The following PLXDC2 variants were observed in gnomAD, a reference collection of about 807,000 sequenced individuals.
PLXDC2 encodes the protein plexin domain containing 2.
Under a neutral mutation model 68.9 loss-of-function variants are expected in PLXDC2, and 40 were observed. The ratio of observed to expected loss-of-function variants is 0.58; its 90% CI spans 0.45 to 0.76. The LOEUF is 0.76. Ranked by LOEUF, PLXDC2 falls within the 30% of genes least tolerant of loss-of-function variation. The probability of loss-of-function intolerance (pLI) is 0.00; values close to 1 mark genes in which losing one functional copy is unlikely to be tolerated. For missense variants in PLXDC2, 644 were observed against 661.9 expected (o/e 0.97, Z 0.30); for synonymous variants, 243 against 234.2 (o/e 1.04, Z -0.34).
chr10:19,990,124 A>G (rs1428625747), intron 1 of PLXDC2, among the ~76,000 whole-genome samples: 1 of 152,010 alleles, frequency 6.6e-6, no homozygotes, highest in Non-Finnish European at 1.5e-5. Flanking sequence ...GAAATTCATC[A>G]CTTAATGACT....
At chr10:19,904,773 C>G (rs1169188022) in intron 1 of PLXDC2, among the ~76,000 whole-genome samples, 3 of 152,182 alleles carry the variant, frequency 2.0e-5, no homozygotes, top group African/African-American at 7.2e-5. Context: ...GCCTTCTATC[C>G]TCCATCTTCC....
chr10:20,138,681 G>A (rs1426027763), intron 4 of PLXDC2, among the ~76,000 whole-genome samples: 1 of 152,232 alleles, frequency 6.6e-6, no homozygotes, highest in East Asian at 1.9e-4. Context: ...GGGAGGCCAA[G>A]GCGGGTGGAT....
intron 12 of PLXDC2, among the ~76,000 whole-genome samples, chr10:20,224,061 A>T (rs1392065376): frequency 2.7e-5 from 4 of 146,810 alleles, no homozygotes; most frequent in Non-Finnish European, 6.0e-5. Context: ...TGCAACCTCC[A>T]CCTTTTGGTT....
intron 7 of PLXDC2, among the ~76,000 whole-genome samples, chr10:20,172,909 T>C (rs1453039886): frequency 6.6e-6 from 1 of 152,226 alleles, no homozygotes; most frequent in African/African-American, 2.4e-5. Flanking sequence ...ATTGAATGCC[T>C]AATGACATTA....
intron 6 of PLXDC2, among the ~76,000 whole-genome samples, chr10:20,162,684 G>A (rs894180018): frequency 2.0e-5 from 3 of 151,950 alleles, no homozygotes; most frequent in African/African-American, 7.3e-5. Context: ...ACTCAGCATG[G>A]GGTATAAGAC....
At chr10:20,072,493 G>GAGAAAGGAAGAAAGAAAGAA (rs1836343582) in intron 4 of PLXDC2, among the ~76,000 whole-genome samples, 1 of 80,704 alleles carries the variant, frequency 1.2e-5, no homozygotes, top group Admixed American at 1.5e-4. Flanking sequence ...AAGAAAGAAA[G>GAGAAAGGAAGAAAGAAAGAA]AGAAAGAAAG....
Position 20,217,505 on chromosome 10 carries a change from C to CCCAGTTCAG in PLXDC2, c.1203_1211dup (p.Phe403_Arg404insSerGlnPhe). 1 of 1,612,898 alleles carries CCCAGTTCAG rather than the reference C, an allele frequency of 6.2e-7. No individual in the cohort carries two copies. The highest frequency in any genetic ancestry group is 8.5e-7 in the Non-Finnish European group (1 of 1,179,344). ...ACCACAACCGTAGGAGCGACAACCA[C>CCCAGTTCAG]CCAGTTCAGGGTCCTAACTACCACC... is the stretch of plus-strand genomic sequence containing the variant. On this transcript the variant is annotated inframe_insertion, in exon 11 of 14. Transcript: ENST00000377252.
At chr10:19,834,901 A>G (rs1021979132) in intron 1 of PLXDC2, among the ~76,000 whole-genome samples, 3 of 152,134 alleles carry the variant, frequency 2.0e-5, no homozygotes, top group Non-Finnish European at 2.9e-5. Context: ...TGAGAGAGAG[A>G]GTGGGTGCAT....
At chr10:19,823,044 T>A (rs1589484664) in intron 1 of PLXDC2, among the ~76,000 whole-genome samples, 1 of 151,992 alleles carries the variant, frequency 6.6e-6, no homozygotes, top group African/African-American at 2.4e-5. Context: ...GCTTCCCAAG[T>A]AGCTGGGACT....
chr10:19,935,024 G>A (rs1833699462), intron 1 of PLXDC2, among the ~76,000 whole-genome samples: 1 of 152,200 alleles, frequency 6.6e-6, no homozygotes, highest in African/African-American at 2.4e-5. Context: ...CCAGAAAAAG[G>A]ACATATGCTC....
intron 10 of PLXDC2, among the ~76,000 whole-genome samples, chr10:20,216,821 G>C (rs1243159158): frequency 6.8e-6 from 1 of 146,992 alleles, no homozygotes; most frequent in African/African-American, 2.6e-5. Context: ...TTTCAATATA[G>C]CTCTGCTAAG....
intron 4 of PLXDC2, among the ~76,000 whole-genome samples, chr10:20,075,415 C>T (rs1189975949): frequency 6.6e-6 from 1 of 152,134 alleles, no homozygotes; most frequent in Non-Finnish European, 1.5e-5. Flanking sequence ...ATCTCAAACT[C>T]CTAGCCTCTA....
intron 1 of PLXDC2, among the ~76,000 whole-genome samples, chr10:19,924,901 C>T (rs1393383678): frequency 6.6e-6 from 1 of 152,140 alleles, no homozygotes; most frequent in Non-Finnish European, 1.5e-5. Context: ...TTTCCTGGTG[C>T]CCATTTTATT....
At chr10:20,013,188 C>T (rs1293972709) in intron 2 of PLXDC2, among the ~76,000 whole-genome samples, 1 of 152,110 alleles carries the variant, frequency 6.6e-6, no homozygotes, top group Non-Finnish European at 1.5e-5. Context: ...ACCTACATAC[C>T]TACCTATCTA....
intron 4 of PLXDC2, among the ~76,000 whole-genome samples, chr10:20,116,292 C>T (rs1833620773): frequency 6.6e-6 from 1 of 152,136 alleles, no homozygotes; most frequent in Non-Finnish European, 1.5e-5. Flanking sequence ...AATATTGAAG[C>T]TGCACTTGGA....
At chr10:20,070,426 A>G (rs1836296356) in intron 4 of PLXDC2, among the ~76,000 whole-genome samples, 1 of 152,248 alleles carries the variant, frequency 6.6e-6, no homozygotes, top group African/African-American at 2.4e-5. Flanking sequence ...AGGGAGAACC[A>G]GTGACTTCAA....
chr10:20,215,248 T>G (rs1835120434), intron 10 of PLXDC2, among the ~76,000 whole-genome samples: 1 of 112,772 alleles, frequency 8.9e-6, no homozygotes, highest in Non-Finnish European at 2.3e-5. Context: ...GAGGTGTCAG[T>G]AGGACACCAT....
chr10:19,987,542 A>G (rs896506008), intron 1 of PLXDC2, among the ~76,000 whole-genome samples: 2 of 145,236 alleles, frequency 1.4e-5, no homozygotes, highest in Non-Finnish European at 3.0e-5. Flanking sequence ...TTGAGTGTTG[A>G]TGTTATTTGG....
chr10:19,888,244 G>A (rs1044632870), intron 1 of PLXDC2, among the ~76,000 whole-genome samples: 75 of 152,320 alleles, frequency 4.9e-4, no homozygotes, highest in African/African-American at 1.7e-3. Flanking sequence ...GTGGATCAAA[G>A]GTGATAGAAA....
Sources: gnomAD v4.1 joint callset for allele counts (sites outside exome capture counted in the v4.1 genomes callset) on GRCh38, gnomAD v4.1.1 for gene constraint, MANE v1.5 for transcripts, NCBI Gene and HGNC (gene_info 2026-07-23, HGNC 2026-07-21) for gene names.